The following PPARGC1A variants were observed in gnomAD, a reference collection of about 807,000 sequenced individuals.
PPARGC1A encodes PPARG coactivator 1 alpha.
Under a neutral mutation model 88.7 loss-of-function variants are expected in PPARGC1A, and 25 were observed. The observed-to-expected ratio is 0.28, with a 90% CI of 0.21 to 0.39. The LOEUF is 0.39. Ranked by LOEUF, PPARGC1A falls within the 10% of genes least tolerant of loss-of-function variation. The pLI, the probability that PPARGC1A is intolerant of heterozygous loss-of-function variation, is 1.00. For missense variants in PPARGC1A, 880 were observed against 968.7 expected, an observed-to-expected ratio of 0.91 and a Z score of 1.22; for synonymous variants, 363 against 355.6, an observed-to-expected ratio of 1.02 and a Z score of -0.24.
At chr4:23,875,256 A>G (rs1280423666) in intron 2 of PPARGC1A, among the ~76,000 whole-genome samples, 1 of 152,108 alleles carries the variant, frequency 6.6e-6, no homozygotes, top group Non-Finnish European at 1.5e-5. Flanking sequence ...GTTCTCCAGG[A>G]TGTTCTTGTA....
At chr4:24,461,731 A>G in the PPARGC1A span, among the ~76,000 whole-genome samples, 2 of 152,224 alleles carry the variant, frequency 1.3e-5, no homozygotes, top group African/African-American at 4.8e-5. Context: ...ATTTAACACA[A>G]TTTAAAAAAA....
At chr4:24,036,456 C>CT in the PPARGC1A span, among the ~76,000 whole-genome samples, 1 of 152,218 alleles carries the variant, frequency 6.6e-6, no homozygotes, top group Non-Finnish European at 1.5e-5. Context: ...TTTATAGCAG[C>CT]TTTAATTACA....
the PPARGC1A span, among the ~76,000 whole-genome samples, chr4:24,325,646 C>T: frequency 5.3e-5 from 8 of 152,242 alleles, no homozygotes; most frequent in Non-Finnish European, 1.2e-4. Context: ...AGCTGTCTGA[C>T]CGACTCCTTC....
At chr4:24,274,734 C>T in the PPARGC1A span, among the ~76,000 whole-genome samples, 1 of 152,140 alleles carries the variant, frequency 6.6e-6, no homozygotes. Context: ...AAAGAGACCA[C>T]CAAAAAGACA....
the PPARGC1A span, among the ~76,000 whole-genome samples, chr4:23,918,220 T>TC: frequency 9.3e-5 from 14 of 151,260 alleles, no homozygotes; most frequent in Non-Finnish European, 1.6e-4. Flanking sequence ...TTTAAATTCT[T>TC]TTTTTTTTCT....
At chr4:24,114,367 G>A in the PPARGC1A span, among the ~76,000 whole-genome samples, 4 of 152,178 alleles carry the variant, frequency 2.6e-5, no homozygotes, top group Non-Finnish European at 5.9e-5. Flanking sequence ...TAATGGAGCA[G>A]AGAAATCAGT....
At chr4:24,434,074 G>C in the PPARGC1A span, among the ~76,000 whole-genome samples, 16 of 152,242 alleles carry the variant, frequency 1.1e-4, no homozygotes, top group African/African-American at 3.6e-4. Flanking sequence ...CTGATCCTTT[G>C]CAGGGTACTG....
At chr4:24,052,035 G>A in the PPARGC1A span, among the ~76,000 whole-genome samples, 1 of 113,906 alleles carries the variant, frequency 8.8e-6, no homozygotes, top group Non-Finnish European at 2.2e-5. Context: ...GAAGATAAAG[G>A]GTAAGGGGCA....
the PPARGC1A span, among the ~76,000 whole-genome samples, chr4:24,042,694 A>G: frequency 6.6e-6 from 1 of 152,198 alleles, no homozygotes. Context: ...TTAATGACCC[A>G]GTAGTTAAAA....
At chr4:24,328,186 G>A in the PPARGC1A span, among the ~76,000 whole-genome samples, 1 of 151,954 alleles carries the variant, frequency 6.6e-6, no homozygotes, top group African/African-American at 2.4e-5. Flanking sequence ...CCTATTTGGT[G>A]GTCTCTTCAC....
the PPARGC1A span, among the ~76,000 whole-genome samples, chr4:24,366,613 G>A: frequency 9.2e-5 from 14 of 152,126 alleles, no homozygotes; most frequent in Non-Finnish European, 1.3e-4. Flanking sequence ...AGCATAAAAT[G>A]TTTGGGACGT....
chr4:24,469,731 C>T, the PPARGC1A span, among the ~76,000 whole-genome samples: 1 of 152,138 alleles, frequency 6.6e-6, no homozygotes, highest in Non-Finnish European at 1.5e-5. Context: ...CTTGGGGAAA[C>T]GCTTTTCCAC....
At chr4:24,435,773 C>T in the PPARGC1A span, among the ~76,000 whole-genome samples, 1 of 152,282 alleles carries the variant, frequency 6.6e-6, no homozygotes, top group Admixed American at 6.5e-5. Context: ...AACAAAGATA[C>T]TGAGGTTCAA....
At chr4:24,173,157 G>T in the PPARGC1A span, among the ~76,000 whole-genome samples, 1 of 152,112 alleles carries the variant, frequency 6.6e-6, no homozygotes, top group African/African-American at 2.4e-5. Flanking sequence ...CAGACAGAGG[G>T]CTAACGATGT....
At chr4:23,980,089 C>T in the PPARGC1A span, among the ~76,000 whole-genome samples, 1 of 150,148 alleles carries the variant, frequency 6.7e-6, no homozygotes, top group Non-Finnish European at 1.5e-5. Flanking sequence ...TTCATGTTTT[C>T]CTCTGATTCA....
the PPARGC1A span, among the ~76,000 whole-genome samples, chr4:24,150,252 T>C: frequency 6.6e-6 from 1 of 152,172 alleles, no homozygotes; most frequent in Non-Finnish European, 1.5e-5. Context: ...AGAAGGTCAG[T>C]AGAGACCAAC....
At chr4:24,399,676 C>T in the PPARGC1A span, among the ~76,000 whole-genome samples, 5 of 152,108 alleles carry the variant, frequency 3.3e-5, no homozygotes, top group Non-Finnish European at 5.9e-5. Flanking sequence ...AAAATACGAA[C>T]ACTCATTTCC....
intron 3 of PPARGC1A, among the ~76,000 whole-genome samples, chr4:23,830,672 C>G (rs1045452127): frequency 6.6e-6 from 1 of 152,084 alleles, no homozygotes; most frequent in East Asian, 1.9e-4. Context: ...ATGCCAAACA[C>G]GATATTAGAG....
chr4:24,170,704 CAT>C, the PPARGC1A span, among the ~76,000 whole-genome samples: 2 of 152,166 alleles, frequency 1.3e-5, no homozygotes, highest in Admixed American at 1.3e-4. Flanking sequence ...TGTTCTATCT[CAT>C]AGAATCATGG....
Sources: allele counts gnomAD v4.1 joint callset (sites outside exome capture counted in the v4.1 genomes callset), GRCh38; gene constraint gnomAD v4.1.1; transcripts MANE v1.5; gene names NCBI Gene and HGNC (gene_info 2026-07-23, HGNC 2026-07-21).